LMTK2: variants seen among roughly 807,000 people sequenced by gnomAD.
LMTK2 encodes the protein lemur tail kinase 2, also known as serine/threonine-protein kinase LMTK2.
In LMTK2, 37 loss-of-function variants were observed where a neutral mutation model predicts 127.5. The observed-to-expected ratio is 0.29, with a 90% CI of 0.22 to 0.38. The LOEUF (loss-of-function observed/expected upper bound fraction) is 0.38, where lower values mean the gene tolerates loss of function less well. Among genes scored for constraint, LMTK2 ranks in the 10% least tolerant of loss-of-function variants. LMTK2 has a pLI of 1.00. For synonymous variants in LMTK2, 819 were observed against 810.1 expected, an observed-to-expected ratio of 1.01 and a Z score of -0.19; for missense variants, 1,694 against 1,920.3, an observed-to-expected ratio of 0.88 and a Z score of 2.20.
At chr7:98,200,559 T>C (rs757075117) in intron 11 of LMTK2, among the ~76,000 whole-genome samples, 7 of 152,176 alleles carry the variant, frequency 4.6e-5, no homozygotes, top group Non-Finnish European at 1.0e-4. Flanking sequence ...TGCACAGGTG[T>C]GGTTATGCAC....
Position 98,190,570 on chromosome 7 carries a change from ACT to A in LMTK2, c.999-155_999-154del, listed in dbSNP as rs368018362. The stretch of plus-strand genomic sequence containing the variant: ...GCACTCCAGCCTGGGCGACAGTGAG[ACT>A]CTGTCTTAAAACAACAACAACAACA... On this transcript the variant is annotated intron_variant, in intron 9 of 13. Coordinates refer to ENST00000297293, the MANE Select transcript of LMTK2 (RefSeq NM_014916.4). 5.5e-3 allele frequency among the ~76,000 whole-genome samples: 844 copies of A among 152,280 alleles called. 8 individuals are homozygous for A. Among genetic ancestry groups the A allele is most frequent in the Middle Eastern group, 0.027 (8 of 294 alleles).
Position 98,192,834 on chromosome 7 carries a change from A to G in LMTK2, c.2369A>G (p.Lys790Arg). ...LSLLQENVST[K>R]GDDTDVMLTG... ...TTGTTGCAGGAAAACGTAAGCACAA[A>G]GGGTGACGATACAGATGTCATGCTC... Residue 790 changes from lysine (K) to arginine (R), a missense_variant, in exon 11 of 14, where the codon AAG becomes AGG. Lys to Arg is a conservative substitution (Grantham distance 26, BLOSUM62 2). Coordinates refer to ENST00000297293, the MANE Select transcript of LMTK2 (RefSeq NM_014916.4). 6.2e-7 allele frequency: 1 copy of G among 1,613,944 alleles called. No individual in the cohort carries two copies. The highest frequency in any genetic ancestry group is 8.5e-7 in the Non-Finnish European group (1 of 1,179,870).
chr7:98,190,842 G>A lies in LMTK2; in HGVS notation c.1113G>A (p.Pro371=), dbSNP rs751792286. ...TTAGAGAGAGAGACACAAAACTCCC[G>A]AAGCCCCAGCTGGAGCAGCCCTACT... ...QVIRERDTKL[P]KPQLEQPYSD... The change falls in exon 10 of 14, where the codon CCG becomes CCA. Residue 371 remains proline, a synonymous_variant. Transcript: ENST00000297293. The A allele has an allele frequency of 1.4e-5, 23 of 1,613,906 alleles. No individual in the cohort carries two copies. Among genetic ancestry groups the A allele is most frequent in the Admixed American group, 6.7e-5 (4 of 59,976 alleles).
At chr7:98,173,391 C>T (rs933381989) in intron 7 of LMTK2, among the ~76,000 whole-genome samples, 6 of 151,630 alleles carry the variant, frequency 4.0e-5, no homozygotes, top group Admixed American at 6.6e-5. Flanking sequence ...ATAAAGATTT[C>T]GTAATGGAGA....
intron 5 of LMTK2, among the ~76,000 whole-genome samples, chr7:98,157,723 T>TA (rs1796950265): frequency 1.3e-5 from 2 of 149,496 alleles, no homozygotes; most frequent in Non-Finnish European, 3.0e-5. Context: ...AGTGAAAAAA[T>TA]CAATCTCAAA....
intron 13 of LMTK2, 132 bp downstream of exon 13, chr7:98,204,318 T>C: frequency 4.0e-6 from 5 of 1,243,638 alleles, no homozygotes; most frequent in Non-Finnish European, 5.5e-6. Context: ...TACAAACTTG[T>C]TTTTATAAAA....
intron 1 of LMTK2, among the ~76,000 whole-genome samples, chr7:98,135,353 C>T (rs908242536): frequency 6.6e-6 from 1 of 151,906 alleles, no homozygotes; most frequent in African/African-American, 2.4e-5. Flanking sequence ...TGCTCTGTCA[C>T]CCAGACCGGA....
At chr7:98,186,189 G>A (rs531531817) in intron 8 of LMTK2, among the ~76,000 whole-genome samples, 1 of 151,794 alleles carries the variant, frequency 6.6e-6, no homozygotes, top group African/African-American at 2.4e-5. Flanking sequence ...TTAGCCTTCC[G>A]AGTAACTGGG....
chr7:98,139,284 T>G (rs755331761), intron 2 of LMTK2, among the ~76,000 whole-genome samples: 1 of 152,150 alleles, frequency 6.6e-6, no homozygotes, highest in African/African-American at 2.4e-5. Flanking sequence ...CCTGCTAAGT[T>G]TTGTATTTTT....
intron 6 of LMTK2, among the ~76,000 whole-genome samples, chr7:98,167,827 G>A (rs548633120): frequency 3.3e-5 from 5 of 152,320 alleles, no homozygotes; most frequent in Admixed American, 6.5e-5. Flanking sequence ...GGGTCCTTAC[G>A]GATCAACGAG....
At chr7:98,144,001 A>T (rs748142725) in intron 3 of LMTK2, among the ~76,000 whole-genome samples, 50 of 152,228 alleles carry the variant, frequency 3.3e-4, no homozygotes, top group Non-Finnish European at 6.3e-4. Flanking sequence ...GATATAGTAC[A>T]TGAAAAAGAT....
intron 3 of LMTK2, among the ~76,000 whole-genome samples, chr7:98,142,216 G>C (rs574129005): frequency 4.4e-4 from 67 of 152,318 alleles, no homozygotes; most frequent in African/African-American, 1.6e-3. Context: ...CAAGAAGGCT[G>C]TGTAAGTCTG....
chr7:98,202,287 C>T (rs1442519730), intron 11 of LMTK2, among the ~76,000 whole-genome samples: 1 of 152,144 alleles, frequency 6.6e-6, no homozygotes. Flanking sequence ...TGTCATTCTT[C>T]TTATCATCTG....
At chr7:98,122,791 T>TG (rs1796384409) in intron 1 of LMTK2, among the ~76,000 whole-genome samples, 1 of 151,486 alleles carries the variant, frequency 6.6e-6, no homozygotes, top group South Asian at 2.1e-4. Context: ...AGTGCTGGGC[T>TG]TACAGGCTGA....
chr7:98,130,751 C>T (rs1306039336), intron 1 of LMTK2, among the ~76,000 whole-genome samples: 5 of 152,172 alleles, frequency 3.3e-5, no homozygotes, highest in African/African-American at 1.2e-4. Flanking sequence ...CTAGAACAAA[C>T]CCTGCCACCA....
chr7:98,209,049 C>G lies in LMTK2; in HGVS notation c.*3557C>G, dbSNP rs1379151173. 6.6e-6 allele frequency: 1 copy of G among 152,152 alleles called. No homozygotes were observed. The allele number at this position is 152,152 out of a possible 1,614,324, so 9.4% of individuals were successfully genotyped here. ...CATCATCTGAAAATTCAGAAGTGAA[C>G]CAAGGGTTAGACGCCAGAGGTTGGG... On this transcript the variant is annotated 3_prime_UTR_variant, in exon 14 of 14. Transcript: ENST00000297293.
At chr7:98,203,239 T>C (rs1797734187) in intron 11 of LMTK2, among the ~76,000 whole-genome samples, 1 of 152,244 alleles carries the variant, frequency 6.6e-6, no homozygotes, top group Admixed American at 6.5e-5. Context: ...CGGGCTGACC[T>C]GAGTCCAGGC....
At chr7:98,204,976 G>A (rs1387303888) in intron 13 of LMTK2, among the ~76,000 whole-genome samples, 2 of 152,190 alleles carry the variant, frequency 1.3e-5, no homozygotes, top group Non-Finnish European at 2.9e-5. Context: ...TGTGGCTCCC[G>A]AGGGCGGGGT....
At chr7:98,141,731 T>G (rs1351314753) in intron 3 of LMTK2, among the ~76,000 whole-genome samples, 190 bp downstream of exon 3, 1 of 152,240 alleles carries the variant, frequency 6.6e-6, no homozygotes, top group Non-Finnish European at 1.5e-5. Flanking sequence ...TCTTCTGCTT[T>G]CTGGACCCTG....
Sources: allele counts gnomAD v4.1 joint callset (sites outside exome capture counted in the v4.1 genomes callset), GRCh38; gene constraint gnomAD v4.1.1; transcripts MANE v1.5; gene names NCBI Gene and HGNC (gene_info 2026-07-23, HGNC 2026-07-21).